SLIT3: variants seen among roughly 807,000 people sequenced by gnomAD.
The protein encoded by SLIT3 is slit guidance ligand 3, also known as slit homolog 3 protein.
In SLIT3, 68 loss-of-function variants were observed where a neutral mutation model predicts 184.0. The observed-to-expected ratio is 0.37, with a 90% CI of 0.30 to 0.45. The LOEUF (loss-of-function observed/expected upper bound fraction) is 0.45. Ranked by LOEUF, SLIT3 falls within the 20% of genes least tolerant of loss-of-function variation. The pLI, the probability that SLIT3 is intolerant of heterozygous loss-of-function variation, is 1.00. For synonymous variants in SLIT3, 831 were observed against 828.6 expected (o/e 1.00, Z -0.05); for missense variants, 1,707 against 2,026.0 (o/e 0.84, Z 3.02).
intron 5 of SLIT3, among the ~76,000 whole-genome samples, chr5:168,869,127 T>C (rs1394945867): frequency 6.6e-6 from 1 of 152,244 alleles, no homozygotes; most frequent in Non-Finnish European, 1.5e-5. Flanking sequence ...CCAGAGAAGC[T>C]GGAAATCCAG....
rs1382178822 is a variant in SLIT3 at position 168,696,911 on chromosome 5, G to A, written c.2943-480C>T. Among the ~76,000 whole-genome samples, 4 of 152,010 alleles carry A rather than the reference G, an allele frequency of 2.6e-5. No homozygotes were observed. The East Asian group carries it at 7.7e-4, about 29-fold the overall frequency. On this transcript the variant is annotated intron_variant, in intron 27 of 35. Transcript: ENST00000519560. ...CCTTCTATCTCAGGGTGAGGGGGTG[G>A]GCAGAATATAGTGGCCAAGGTCCCA...
intron 4 of SLIT3, among the ~76,000 whole-genome samples, chr5:169,096,100 T>C (rs978225924): frequency 4.6e-5 from 7 of 152,246 alleles, no homozygotes; most frequent in African/African-American, 1.2e-4. Flanking sequence ...TGAGAAAATA[T>C]ACAATATGTT....
intron 1 of SLIT3, among the ~76,000 whole-genome samples, chr5:169,298,734 G>A (rs142157100): frequency 6.6e-6 from 1 of 152,164 alleles, no homozygotes; most frequent in Non-Finnish European, 1.5e-5. Context: ...AACCAGTCAG[G>A]CTTGGATCCA....
At chr5:168,724,932 G>A (rs1337538699) in intron 20 of SLIT3, among the ~76,000 whole-genome samples, 1 of 152,136 alleles carries the variant, frequency 6.6e-6, no homozygotes, top group East Asian at 1.9e-4. Context: ...GTTGAGCTAG[G>A]ACTTGAACCC....
At chr5:168,987,717 GGTT>G (rs1755183607) in intron 4 of SLIT3, among the ~76,000 whole-genome samples, 1 of 152,212 alleles carries the variant, frequency 6.6e-6, no homozygotes, top group African/African-American at 2.4e-5. Context: ...AGTCCTCTGT[GGTT>G]ACCTGTACTT....
At chr5:169,014,107 G>GCAGGCAGGCAGA (rs1420640992) in intron 4 of SLIT3, among the ~76,000 whole-genome samples, 6 of 151,988 alleles carry the variant, frequency 3.9e-5, no homozygotes, top group Non-Finnish European at 8.8e-5. Flanking sequence ...AGGCAGGCAG[G>GCAGGCAGGCAGA]CAGGCAGGCA....
chr5:169,155,334 T>C (rs2544826), intron 4 of SLIT3, among the ~76,000 whole-genome samples: 4,328 of 152,292 alleles, frequency 0.028, 185 homozygotes, highest in East Asian at 0.089. Flanking sequence ...TGTCTGCAGC[T>C]AATAGTGATC....
rs573331900 is a variant in SLIT3 at position 169,296,514 on chromosome 5, C to T, written c.197+3999G>A. ...GTGTTTCCCTAAAAGGCCACATCAC[C>T]GTGGTTGACCCAGAGAGACCCCATG... On this transcript the variant is annotated intron_variant, in intron 1 of 35. Transcript: ENST00000519560. Among the ~76,000 whole-genome samples the T allele has an allele frequency of 3.3e-5, 5 of 152,284 alleles. No homozygotes were observed. The South Asian group carries it at 8.3e-4, about 25-fold the overall frequency.
intron 2 of SLIT3, among the ~76,000 whole-genome samples, chr5:169,245,850 T>C (rs1765570049): frequency 6.6e-6 from 1 of 152,168 alleles, no homozygotes; most frequent in African/African-American, 2.4e-5. Flanking sequence ...GGCCCTTGTG[T>C]TTAGTTCCCA....
At chr5:169,035,510 G>A (rs144049041) in intron 4 of SLIT3, among the ~76,000 whole-genome samples, 2,430 of 152,022 alleles carry the variant, frequency 0.016, 58 homozygotes, top group African/African-American at 0.054. Flanking sequence ...TTAGCCAGGC[G>A]TGGTGGCGGG....
intron 4 of SLIT3, among the ~76,000 whole-genome samples, chr5:169,020,677 A>G (rs1756564562): frequency 6.6e-6 from 1 of 152,250 alleles, no homozygotes. Flanking sequence ...GAGTTAAGGA[A>G]TGAAATCTTC....
intron 32 of SLIT3, among the ~76,000 whole-genome samples, chr5:168,680,304 T>A (rs72839505): frequency 0.15 from 22,626 of 152,346 alleles, 2,328 homozygotes; most frequent in Non-Finnish European, 0.22. Context: ...AAGGAGGGGC[T>A]CAGGTGGGCT....
intron 4 of SLIT3, among the ~76,000 whole-genome samples, chr5:168,917,861 C>A (rs1402117806): frequency 6.6e-6 from 1 of 152,186 alleles, no homozygotes; most frequent in African/African-American, 2.4e-5. Flanking sequence ...TCTTCTCTCC[C>A]AGGACAGACC....
At chr5:168,709,809 AATC>A (rs1300607670) in intron 25 of SLIT3, among the ~76,000 whole-genome samples, 1 of 151,766 alleles carries the variant, frequency 6.6e-6, no homozygotes, top group Non-Finnish European at 1.5e-5. Context: ...GTTCCCCAAT[AATC>A]AAAGACAAAA....
chr5:169,168,186 C>T (rs753100568), intron 4 of SLIT3, among the ~76,000 whole-genome samples: 2 of 152,188 alleles, frequency 1.3e-5, no homozygotes, highest in Non-Finnish European at 2.9e-5. Context: ...ACGGGTCAGC[C>T]CCTTCCTACA....
chr5:169,155,120 G>A (rs1356974500), intron 4 of SLIT3, among the ~76,000 whole-genome samples: 1 of 152,158 alleles, frequency 6.6e-6, no homozygotes. Context: ...GCAGTTTTTG[G>A]TAACCTAGCG....
chr5:168,706,530 T>C (rs921258725), intron 26 of SLIT3: 1 of 152,134 alleles, frequency 6.6e-6, no homozygotes, highest in Non-Finnish European at 1.5e-5. Context: ...TGTGACTGAA[T>C]TTATAACATT....
chr5:168,932,230 C>A (rs1329829560), intron 4 of SLIT3, among the ~76,000 whole-genome samples: 1 of 149,690 alleles, frequency 6.7e-6, no homozygotes, highest in East Asian at 2.0e-4. Flanking sequence ...CCTACCCATT[C>A]CTGACACAGT....
At chr5:169,132,352 A>G (rs962303143) in intron 4 of SLIT3, among the ~76,000 whole-genome samples, 2 of 152,204 alleles carry the variant, frequency 1.3e-5, no homozygotes, top group African/African-American at 2.4e-5. Flanking sequence ...GTCTGTATTT[A>G]CACAAGAAAC....
Sources: allele counts gnomAD v4.1 joint callset (sites outside exome capture counted in the v4.1 genomes callset), GRCh38; gene constraint gnomAD v4.1.1; transcripts MANE v1.5; gene names NCBI Gene and HGNC (gene_info 2026-07-23, HGNC 2026-07-21).